UBR1: variants seen among roughly 807,000 people sequenced by gnomAD.
The protein encoded by UBR1 is E3 ubiquitin-protein ligase UBR1.
Under a neutral mutation model 242.1 loss-of-function variants are expected in UBR1, and 102 were observed. The ratio of observed to expected loss-of-function variants is 0.42; its 90% CI spans 0.36 to 0.50. The LOEUF is 0.50. UBR1 is among the 20% of genes least tolerant of loss of function. UBR1 has a pLI of 0.01. For missense variants in UBR1, 1,772 were observed against 2,101.8 expected (o/e 0.84, Z 3.07); for synonymous variants, 675 against 684.8 (o/e 0.99, Z 0.22).
At chr15:42,979,617 C>A (rs1321559119) in intron 37 of UBR1, among the ~76,000 whole-genome samples, 2 of 152,178 alleles carry the variant, frequency 1.3e-5, no homozygotes, top group African/African-American at 4.8e-5. Context: ...GTGGTGCAAT[C>A]TCGGCTCACT....
chr15:43,026,622 T>A lies in UBR1; in HGVS notation c.2474A>T (p.Asp825Val). 6.2e-7 allele frequency: 1 copy of A among 1,613,316 alleles called. No individual in the cohort carries two copies. The highest frequency in any genetic ancestry group is 8.5e-7 in the Non-Finnish European group (1 of 1,179,738). The part of the protein sequence containing the change: ...VSGHGVYELK[D>V]ESLKDFNMYF... Reference sequence around the variant, plus strand: ...CATATTGAAGTCTTTCAGTGATTCATCTTTTAGTTCATAAACTCCATGGCC... The same window carrying A: ...CATATTGAAGTCTTTCAGTGATTCAACTTTTAGTTCATAAACTCCATGGCC... Residue 825 changes from aspartate to valine, a missense_variant, in exon 23 of 47, where the codon GAT (aspartate) becomes GTT (valine). Around this residue, in one of 3 missense-constraint regions of UBR1, gnomAD observed 73 missense variants for 128.9 expected, o/e 0.57. Coordinates refer to ENST00000290650, the MANE Select transcript of UBR1 (RefSeq NM_174916.3).
At chr15:43,029,884 GA>G (rs1325667664) in intron 21 of UBR1, 59 bp downstream of exon 21, 1 of 1,603,864 alleles carries the variant, frequency 6.2e-7, no homozygotes, top group African/African-American at 1.3e-5. Context: ...TCCAATTAAA[GA>G]AAAAGAAACA....
At chr15:43,088,063 T>C (rs1467694141) in intron 1 of UBR1, among the ~76,000 whole-genome samples, 3 of 152,372 alleles carry the variant, frequency 2.0e-5, no homozygotes, top group Admixed American at 2.0e-4. Context: ...AAACTTAGCG[T>C]TCACTGTGTT....
chr15:43,105,873 CA>C (rs955622563), intron 1 of UBR1, 68 bp downstream of exon 1: 8 of 1,482,134 alleles, frequency 5.4e-6, no homozygotes, highest in Non-Finnish European at 7.5e-6. Context: ...GGTGAAGCCC[CA>C]CATCCTCCTA....
intron 30 of UBR1, among the ~76,000 whole-genome samples, chr15:43,006,106 GAAAAA>G (rs1235960946): frequency 1.8e-5 from 2 of 111,472 alleles, no homozygotes; most frequent in Admixed American, 8.8e-5. Flanking sequence ...AAAAAAAAAA[GAAAAA>G]AAAAAAAAGA....
At chr15:43,027,733 A>G in intron 22 of UBR1, 43 bp downstream of exon 22, 2 of 1,577,230 alleles carry the variant, frequency 1.3e-6, no homozygotes, top group Non-Finnish European at 1.7e-6. Flanking sequence ...AAGAACAAAG[A>G]TCAAACTACC....
At chr15:43,010,683 G>A (rs1480673875) in intron 29 of UBR1, among the ~76,000 whole-genome samples, 1 of 151,794 alleles carries the variant, frequency 6.6e-6, no homozygotes, top group African/African-American at 2.4e-5. Flanking sequence ...ATATAACTAT[G>A]TAATTTGGCT....
At chr15:42,992,843 G>A (rs1166731200) in intron 33 of UBR1, among the ~76,000 whole-genome samples, 3 of 152,188 alleles carry the variant, frequency 2.0e-5, no homozygotes, top group Non-Finnish European at 4.4e-5. Context: ...GACTGCGGAT[G>A]CCCTTGGCGT....
intron 29 of UBR1, among the ~76,000 whole-genome samples, chr15:43,015,435 T>C (rs2033006424): frequency 6.6e-6 from 1 of 152,102 alleles, no homozygotes; most frequent in Non-Finnish European, 1.5e-5. Flanking sequence ...AAACAGATGC[T>C]TGAAGGCAGC....
chr15:43,014,942 G>A (rs187326671), intron 29 of UBR1, among the ~76,000 whole-genome samples: 5 of 148,642 alleles, frequency 3.4e-5, no homozygotes, highest in Non-Finnish European at 7.5e-5. Context: ...GTCAGCCCCC[G>A]CCCGGCCAGC....
Position 42,999,555 on chromosome 15 carries a change from G to A in UBR1, c.3660-1290C>T, listed in dbSNP as rs185061071. On this transcript the variant is annotated intron_variant, in intron 32 of 46. Coordinates refer to ENST00000290650, the MANE Select transcript of UBR1 (RefSeq NM_174916.3). The stretch of plus-strand genomic sequence containing the variant: ...TATTAAGAACAAAGAAGGGCTGGGT[G>A]CAGTGGCTCAGGCCTGTAGTCCAGT... Among the ~76,000 whole-genome samples the A allele has an allele frequency of 7.2e-5, 11 of 152,340 alleles. No homozygotes were observed. In the East Asian group the frequency reaches 2.1e-3, roughly 29 times the overall value.
intron 26 of UBR1, among the ~76,000 whole-genome samples, chr15:43,022,238 T>C (rs1318548330): frequency 6.6e-6 from 1 of 152,128 alleles, no homozygotes; most frequent in Non-Finnish European, 1.5e-5. Flanking sequence ...TTATTAGAAA[T>C]CTAATTTAAA....
intron 20 of UBR1, among the ~76,000 whole-genome samples, chr15:43,030,326 A>C (rs771357134): frequency 6.6e-6 from 1 of 152,232 alleles, no homozygotes; most frequent in Non-Finnish European, 1.5e-5. Context: ...ACATACATAT[A>C]CATACATATT....
chr15:43,053,708 T>G (rs901349043), intron 12 of UBR1, among the ~76,000 whole-genome samples: 11 of 152,164 alleles, frequency 7.2e-5, no homozygotes, highest in Admixed American at 3.9e-4. Context: ...TCCTCTCGCC[T>G]CTGCATCCTG....
Position 43,003,928 on chromosome 15 carries a change from C to T in UBR1, c.3418G>A (p.Ala1140Thr). Residue 1140 changes from alanine (A) to threonine (T), a missense_variant and splice_region_variant, in exon 31 of 47, where the codon GCC (alanine) becomes ACC (threonine). Ala to Thr is a moderately conservative substitution (Grantham distance 58, BLOSUM62 0). Transcript: ENST00000290650. Reference protein sequence around the residue: ...RGKPIELSGEALDPLFMDPDL... With the variant: ...RGKPIELSGETLDPLFMDPDL... ...GGATCCATGAAAAGTGGGTCTAGGGCTTCTGGTACAAGGTATAAAAAGGAG... is the reference window on the plus strand; with the variant it reads ...GGATCCATGAAAAGTGGGTCTAGGGTTTCTGGTACAAGGTATAAAAAGGAG... 1.2e-6 allele frequency: 2 copies of T among 1,613,836 alleles called. No homozygotes were observed. Among genetic ancestry groups the T allele is most frequent in the Non-Finnish European group, 1.7e-6 (2 of 1,179,864 alleles).
At chr15:42,978,014 G>A in intron 37 of UBR1, 67 bp from the exon 38 acceptor site, 1 of 1,288,432 alleles carries the variant, frequency 7.8e-7, no homozygotes, top group Non-Finnish European at 1.1e-6. Flanking sequence ...TAAAATGCAA[G>A]CTAAAAACAC....
chr15:42,991,546 A>G (rs2032558022), intron 33 of UBR1, among the ~76,000 whole-genome samples: 1 of 151,660 alleles, frequency 6.6e-6, no homozygotes, highest in Admixed American at 6.6e-5. Context: ...TTCTTCAAAT[A>G]TTTTTTCTGC....
At chr15:43,001,606 T>C (rs1368438518) in intron 32 of UBR1, among the ~76,000 whole-genome samples, 1 of 152,186 alleles carries the variant, frequency 6.6e-6, no homozygotes, top group Non-Finnish European at 1.5e-5. Flanking sequence ...ATAATATAAA[T>C]ATTATACTAC....
At chr15:43,097,656 G>A (rs1018785273) in intron 1 of UBR1, among the ~76,000 whole-genome samples, 1 of 152,206 alleles carries the variant, frequency 6.6e-6, no homozygotes, top group Non-Finnish European at 1.5e-5. Context: ...TTATGTTGTG[G>A]AGATGGTTTC....
Sources: allele counts gnomAD v4.1 joint callset (sites outside exome capture counted in the v4.1 genomes callset), GRCh38; gene constraint gnomAD v4.1.1; regional missense constraint gnomAD v4.1.1; transcripts MANE v1.5; gene names NCBI Gene and HGNC (gene_info 2026-07-23, HGNC 2026-07-21).